Variants in PPFIBP1 observed in about 807,000 individuals in gnomAD.
PPFIBP1 encodes liprin-beta-1.
Under a neutral mutation model 137.8 loss-of-function variants are expected in PPFIBP1, and 112 were observed. The ratio of observed to expected loss-of-function variants is 0.81; its 90% confidence interval spans 0.70 to 0.95. PPFIBP1 has a LOEUF of 0.95. Among genes scored for constraint, PPFIBP1 ranks in the 40% least tolerant of loss-of-function variants. PPFIBP1 has a pLI of 0.00. For missense variants in PPFIBP1, 1,083 were observed against 1,196.6 expected, an observed-to-expected ratio of 0.91 and a Z score of 1.40; for synonymous variants, 378 against 417.3, an observed-to-expected ratio of 0.91 and a Z score of 1.15.
intron 2 of PPFIBP1, among the ~76,000 whole-genome samples, chr12:27,604,600 A>G (rs2054320644): frequency 1.3e-5 from 2 of 152,220 alleles, no homozygotes; most frequent in South Asian, 2.1e-4. Flanking sequence ...CCCTGAAGCT[A>G]AATAAAATTA....
chr12:27,692,769 G>A (rs547785616), intron 29 of PPFIBP1, 27 bp from the exon 30 acceptor site: 3 of 1,613,920 alleles, frequency 1.9e-6, no homozygotes, highest in Non-Finnish European at 2.5e-6. Context: ...GGCTCTCAGT[G>A]TGACTCCCTG....
At position 27,683,672 on chromosome 12, in the gene PPFIBP1, T is replaced by G. The variant is rs538296823; in HGVS notation, c.2247+969T>G. On this transcript the variant is annotated intron_variant, in intron 24 of 29. Transcript: ENST00000228425. ...CCAGCCAATGTGTAGGACTATTCCC[T>G]GCTTTACAGCAGTGAGAAAGATGGA... Among the ~76,000 whole-genome samples, 12 of 152,380 alleles carry G rather than the reference T, an allele frequency of 7.9e-5. No homozygotes were observed. The East Asian group carries it at 2.1e-3, about 27-fold the overall frequency.
chr12:27,611,217 C>T (rs188857321), intron 2 of PPFIBP1, among the ~76,000 whole-genome samples: 15 of 152,246 alleles, frequency 9.9e-5, no homozygotes, highest in East Asian at 3.9e-4. Flanking sequence ...GCCTATATAG[C>T]GCTGTAGCTG....
At chr12:27,597,143 C>T (rs1355234011) in intron 2 of PPFIBP1, among the ~76,000 whole-genome samples, 2 of 152,138 alleles carry the variant, frequency 1.3e-5, no homozygotes, top group African/African-American at 4.8e-5. Flanking sequence ...TTGGGGCAGG[C>T]CAAAATGAGA....
At chr12:27,627,846 T>C (rs1490731203) in intron 2 of PPFIBP1, among the ~76,000 whole-genome samples, 1 of 124,384 alleles carries the variant, frequency 8.0e-6, no homozygotes, top group Non-Finnish European at 1.6e-5. Flanking sequence ...TCTCTTACTA[T>C]AATATTTGAA....
At chr12:27,580,937 G>C (rs1400389351) in intron 2 of PPFIBP1, among the ~76,000 whole-genome samples, 1 of 151,712 alleles carries the variant, frequency 6.6e-6, no homozygotes, top group Non-Finnish European at 1.5e-5. Flanking sequence ...AAGAGACAGG[G>C]TCTCGGTTTG....
At chr12:27,679,675 T>G in intron 20 of PPFIBP1, 36 bp downstream of exon 20, 1 of 1,599,464 alleles carries the variant, frequency 6.3e-7, no homozygotes, top group Middle Eastern at 1.7e-4. Context: ...ATGGGCCCTG[T>G]CTTACATGTT....
intron 13 of PPFIBP1, 149 bp downstream of exon 13, chr12:27,667,469 C>A: frequency 3.0e-6 from 2 of 669,658 alleles, no homozygotes; most frequent in Non-Finnish European, 4.4e-6. Context: ...TGACTTTGGC[C>A]ACTTCTGATG....
At chr12:27,662,319 G>A (rs895747868) in intron 11 of PPFIBP1, among the ~76,000 whole-genome samples, 1 of 152,206 alleles carries the variant, frequency 6.6e-6, no homozygotes, top group African/African-American at 2.4e-5. Flanking sequence ...TGACCACAGA[G>A]CTAAGTCAGT....
intron 2 of PPFIBP1, among the ~76,000 whole-genome samples, chr12:27,596,302 CT>C (rs987791862): frequency 6.6e-6 from 1 of 151,998 alleles, no homozygotes; most frequent in Non-Finnish European, 1.5e-5. Flanking sequence ...TTCGTTTGTT[CT>C]GTTAAATAAG....
At chr12:27,537,166 C>T (rs940794234) in intron 1 of PPFIBP1, among the ~76,000 whole-genome samples, 11 of 151,980 alleles carry the variant, frequency 7.2e-5, no homozygotes, top group African/African-American at 1.9e-4. Context: ...GAGTCTCTCA[C>T]GGTCACCTAG....
chr12:27,692,044 A>G (rs187152331), intron 28 of PPFIBP1, 116 bp downstream of exon 28: 1 of 883,798 alleles, frequency 1.1e-6, no homozygotes, highest in Admixed American at 2.6e-5. Context: ...AAAAATACAG[A>G]TAATAATAGT....
chr12:27,576,737 T>C (rs756062715), intron 1 of PPFIBP1, among the ~76,000 whole-genome samples: 6 of 152,198 alleles, frequency 3.9e-5, no homozygotes, highest in Non-Finnish European at 7.3e-5. Flanking sequence ...TAATTATTCT[T>C]TGGTAACATT....
chr12:27,547,125 G>T (rs1946311461), intron 1 of PPFIBP1: 1 of 152,234 alleles, frequency 6.6e-6, no homozygotes, highest in Admixed American at 6.5e-5. Context: ...AGGATTTGAG[G>T]TTATAAAGTA....
chr12:27,612,413 A>T (rs773840830), intron 2 of PPFIBP1, among the ~76,000 whole-genome samples: 2 of 141,820 alleles, frequency 1.4e-5, no homozygotes, highest in Non-Finnish European at 3.0e-5. Flanking sequence ...AGCTCACTGC[A>T]GCCTCAACCT....
chr12:27,647,278 G>A lies in PPFIBP1; in HGVS notation c.358-451G>A, dbSNP rs1413616629. Among the ~76,000 whole-genome samples the A allele has an allele frequency of 2.6e-5, 4 of 152,284 alleles. No individual in the cohort carries two copies. The East Asian group carries it at 7.7e-4, about 29-fold the overall frequency. On this transcript the variant is annotated intron_variant, in intron 5 of 29. Coordinates refer to ENST00000228425, the MANE Select transcript of PPFIBP1 (RefSeq NM_003622.4). ...AGCCTCCCAAAGTGCTGGGATTACA[G>A]GCGTGAGCCACCGTGCATGCTACCT... is the stretch of plus-strand genomic sequence containing the variant.
chr12:27,641,980 A>AATAAATAAATAGATAG (rs1555225027), intron 4 of PPFIBP1, among the ~76,000 whole-genome samples: 6 of 145,002 alleles, frequency 4.1e-5, no homozygotes, highest in Non-Finnish European at 7.5e-5. Flanking sequence ...TAAATAAATA[A>AATAAATAAATAGATAG]ATAGAAGGCT....
intron 1 of PPFIBP1, among the ~76,000 whole-genome samples, chr12:27,544,599 A>T (rs890725456): frequency 2.6e-5 from 4 of 152,222 alleles, no homozygotes; most frequent in African/African-American, 9.7e-5. Flanking sequence ...ACAGACACTA[A>T]TCAAAAGAAG....
At chr12:27,600,791 A>C (rs918220205) in intron 2 of PPFIBP1, among the ~76,000 whole-genome samples, 4 of 152,144 alleles carry the variant, frequency 2.6e-5, no homozygotes, top group African/African-American at 9.7e-5. Context: ...AATACTACTG[A>C]ACTGTACAGT....
Sources: gnomAD v4.1 joint callset for allele counts (sites outside exome capture counted in the v4.1 genomes callset) on GRCh38, gnomAD v4.1.1 for gene constraint, MANE v1.5 for transcripts, NCBI Gene and HGNC (gene_info 2026-07-23, HGNC 2026-07-21) for gene names.